The following KCNK2 variants were observed in gnomAD, a reference collection of about 807,000 sequenced individuals.
KCNK2 encodes the protein potassium two pore domain channel subfamily K member 2.
KCNK2 carries 21 observed loss-of-function variants against 40.5 expected under a neutral mutation model. The ratio of observed to expected loss-of-function variants is 0.52; its 90% CI spans 0.37 to 0.75. KCNK2 has a LOEUF of 0.75. KCNK2 is among the 30% of genes least tolerant of loss of function. KCNK2 has a pLI of 0.00. For missense variants in KCNK2, 399 were observed against 531.6 expected, an observed-to-expected ratio of 0.75 and a Z score of 2.45; for synonymous variants, 191 against 202.2, an observed-to-expected ratio of 0.94 and a Z score of 0.47.
chr1:215,067,222 A>T (rs61818294), intron 1 of KCNK2, among the ~76,000 whole-genome samples: 1,769 of 152,330 alleles, frequency 0.012, 39 homozygotes, highest in South Asian at 0.097. Flanking sequence ...TATTTACTAA[A>T]TAAACATTTA....
At chr1:215,018,361 A>G (rs1209771579) in intron 1 of KCNK2, among the ~76,000 whole-genome samples, 5 of 152,214 alleles carry the variant, frequency 3.3e-5, no homozygotes, top group African/African-American at 1.2e-4. Context: ...ATTAGATAGT[A>G]AAGAAGCTCT....
intron 1 of KCNK2, among the ~76,000 whole-genome samples, chr1:215,016,881 A>T (rs1383865788): frequency 6.6e-6 from 1 of 152,000 alleles, no homozygotes; most frequent in Non-Finnish European, 1.5e-5. Context: ...ATACATAAGG[A>T]ACTCAAAGAA....
At chr1:215,195,184 A>T in intron 6 of KCNK2, 92 bp downstream of exon 6, 1 of 1,005,008 alleles carries the variant, frequency 1.0e-6, no homozygotes, top group Non-Finnish European at 1.4e-6. Flanking sequence ...TAAAATATTT[A>T]AACATTTTAA....
chr1:215,187,154 A>G (rs1328593712), intron 5 of KCNK2, among the ~76,000 whole-genome samples: 1 of 152,032 alleles, frequency 6.6e-6, no homozygotes. Context: ...TATTTTTTGT[A>G]GAGATGAGAT....
chr1:215,087,491 T>C (rs937280645), intron 2 of KCNK2, among the ~76,000 whole-genome samples: 1 of 152,238 alleles, frequency 6.6e-6, no homozygotes, highest in Non-Finnish European at 1.5e-5. Context: ...TGTAGATTTC[T>C]TTTGCATAAA....
intron 3 of KCNK2, among the ~76,000 whole-genome samples, chr1:215,137,848 G>A (rs1261645091): frequency 1.3e-5 from 2 of 151,840 alleles, no homozygotes; most frequent in African/African-American, 2.4e-5. Flanking sequence ...GTTTTTCATC[G>A]AAGATTGAAA....
intron 1 of KCNK2, among the ~76,000 whole-genome samples, chr1:215,046,803 T>G (rs1416232567): frequency 1.3e-5 from 2 of 152,180 alleles, no homozygotes; most frequent in African/African-American, 4.8e-5. Flanking sequence ...GCTTTGGATT[T>G]GCTTGCTTGT....
At chr1:215,010,866 T>G (rs12564353) in intron 1 of KCNK2, among the ~76,000 whole-genome samples, 59,212 of 142,592 alleles carry the variant, frequency 0.42, 13,460 homozygotes, top group Middle Eastern at 0.66. Flanking sequence ...TTTTTTTTTT[T>G]TTTGTGTGTG....
chr1:215,210,488 G>T (rs1265409084), intron 6 of KCNK2, among the ~76,000 whole-genome samples: 1 of 152,014 alleles, frequency 6.6e-6, no homozygotes, highest in African/African-American at 2.4e-5. Context: ...GCTGAATAGT[G>T]TCTCTGATTT....
Position 215,083,198 on chromosome 1 carries a change from C to CCCCCCCCCCCCA in KCNK2, c.-183_-182insCCCCCCACCCCC. The CCCCCCCCCCCCA allele has an allele frequency of 1.7e-6, 1 of 603,080 alleles. No individual in the cohort carries two copies. The highest frequency in any genetic ancestry group is 2.8e-6 in the Non-Finnish European group (1 of 358,988). 37.4% of individuals were successfully genotyped at this position (603,080 alleles called of 1,614,324 possible). ...CGATTTCGTTTCTTCTCACGCTCCC[C>CCCCCCCCCCCCA]CCCCCGCCCCCTCCCGCGTCCAGCC... On this transcript the variant is annotated 5_prime_UTR_variant, in exon 1 of 7. Coordinates refer to ENST00000444842, the MANE Select transcript of KCNK2 (RefSeq NM_001017425.3).
intron 2 of KCNK2, among the ~76,000 whole-genome samples, chr1:215,112,589 C>T (rs1360331308): frequency 1.3e-5 from 2 of 152,122 alleles, no homozygotes; most frequent in African/African-American, 4.8e-5. Flanking sequence ...TAGGCCTTCA[C>T]ATTCACTCAC....
At chr1:215,020,610 G>C (rs1656756299) in intron 1 of KCNK2, among the ~76,000 whole-genome samples, 1 of 151,982 alleles carries the variant, frequency 6.6e-6, no homozygotes, top group African/African-American at 2.4e-5. Flanking sequence ...TATTTTAGTA[G>C]GCACGAGATT....
In KCNK2 at chr1:215,159,711, A is replaced by T. The variant is rs143170122; in HGVS notation, c.476-9488A>T. On this transcript the variant is annotated intron_variant, in intron 3 of 6. Transcript: ENST00000444842. Reference sequence around the variant, plus strand: ...ACTAGTGCATAAAAGTTTGAGGAACATAATATTTACATACTCATAAAGTGT... The same window carrying T: ...ACTAGTGCATAAAAGTTTGAGGAACTTAATATTTACATACTCATAAAGTGT... Among the ~76,000 whole-genome samples, 608 of 152,284 alleles carry T rather than the reference A, an allele frequency of 4.0e-3. 2 individuals carry two copies. Among genetic ancestry groups the T allele is most frequent in the Non-Finnish European group, 6.8e-3 (463 of 68,024 alleles).
At chr1:215,179,677 ATCT>A (rs1164445047) in intron 5 of KCNK2, among the ~76,000 whole-genome samples, 1 of 152,058 alleles carries the variant, frequency 6.6e-6, no homozygotes, top group Non-Finnish European at 1.5e-5. Flanking sequence ...GTTTTGAGAG[ATCT>A]TCTTGGTATT....
At chr1:215,018,844 ATCACCC>A (rs1656684654) in intron 1 of KCNK2, among the ~76,000 whole-genome samples, 4 of 152,144 alleles carry the variant, frequency 2.6e-5, no homozygotes, top group Admixed American at 2.6e-4. Context: ...TTCTTAAAAG[ATCACCC>A]TGGCTGCTAT....
intron 6 of KCNK2, among the ~76,000 whole-genome samples, chr1:215,224,580 G>A (rs1666308616): frequency 6.6e-6 from 1 of 151,984 alleles, no homozygotes; most frequent in Admixed American, 6.6e-5. Context: ...TGAAAAGACT[G>A]AAAATTTTCT....
At chr1:215,193,943 C>G (rs1371780767) in intron 5 of KCNK2, among the ~76,000 whole-genome samples, 1 of 152,140 alleles carries the variant, frequency 6.6e-6, no homozygotes, top group Non-Finnish European at 1.5e-5. Context: ...ACTCACTTTT[C>G]CCCTTCTTAC....
chr1:215,138,545 G>T (rs950504046), intron 3 of KCNK2, among the ~76,000 whole-genome samples: 15 of 152,086 alleles, frequency 9.9e-5, no homozygotes, highest in Admixed American at 2.0e-4. Context: ...CTGAGTTCAG[G>T]AGTTTGAGAC....
intron 1 of KCNK2, among the ~76,000 whole-genome samples, chr1:215,066,845 AG>A (rs2102512171): frequency 6.6e-6 from 1 of 152,360 alleles, no homozygotes; most frequent in Non-Finnish European, 1.5e-5. Flanking sequence ...ATTCAGAAAA[AG>A]CTCTGCATGT....
Sources: gnomAD v4.1 joint callset for allele counts (sites outside exome capture counted in the v4.1 genomes callset) on GRCh38, gnomAD v4.1.1 for gene constraint, MANE v1.5 for transcripts, NCBI Gene and HGNC (gene_info 2026-07-23, HGNC 2026-07-21) for gene names.